Variants in KIF13A observed in about 807,000 individuals in gnomAD.
KIF13A encodes the protein kinesin family member 13A.
In KIF13A, 79 loss-of-function variants were observed where a neutral mutation model predicts 212.2. The ratio of observed to expected loss-of-function variants is 0.37; its 90% confidence interval spans 0.31 to 0.45. KIF13A has a LOEUF of 0.45. Among genes scored for constraint, KIF13A ranks in the 20% least tolerant of loss-of-function variants. The pLI is 1.00. For missense variants in KIF13A, 1,901 were observed against 2,209.0 expected, an observed-to-expected ratio of 0.86 and a Z score of 2.79; for synonymous variants, 789 against 808.6, an observed-to-expected ratio of 0.98 and a Z score of 0.41.
chr6:17,836,768 T>A, intron 11 of KIF13A, 110 bp downstream of exon 11: 1 of 962,562 alleles, frequency 1.0e-6, no homozygotes, highest in Non-Finnish European at 1.6e-6. Flanking sequence ...GGTAGAGACA[T>A]AAATCGAAAC....
chr6:17,847,036 A>G (rs926652722), intron 9 of KIF13A, among the ~76,000 whole-genome samples: 2 of 152,200 alleles, frequency 1.3e-5, no homozygotes, highest in Non-Finnish European at 2.9e-5. Flanking sequence ...CTGATGTGAC[A>G]TTGCATATGG....
At chr6:17,960,546 A>G (rs190642587) in intron 2 of KIF13A, among the ~76,000 whole-genome samples, 13 of 152,178 alleles carry the variant, frequency 8.5e-5, no homozygotes, top group African/African-American at 2.4e-4. Context: ...CTTCAATACT[A>G]TTACCCAAAG....
intron 2 of KIF13A, among the ~76,000 whole-genome samples, chr6:17,909,102 C>T (rs1025719728): frequency 1.3e-5 from 2 of 152,236 alleles, no homozygotes; most frequent in Non-Finnish European, 2.9e-5. Flanking sequence ...GATGCCATTG[C>T]TGTTGTTACA....
intron 2 of KIF13A, among the ~76,000 whole-genome samples, chr6:17,946,947 T>C (rs1017037703): frequency 2.0e-5 from 3 of 152,238 alleles, no homozygotes; most frequent in Non-Finnish European, 2.9e-5. Context: ...CAACTGTATA[T>C]ACATTTATCA....
In KIF13A at chr6:17,821,937, G is replaced by A. The variant is rs770361853; in HGVS notation, c.1786+3831C>T. On this transcript the variant is annotated intron_variant, in intron 16 of 38. Coordinates refer to ENST00000259711, the MANE Select transcript of KIF13A (RefSeq NM_022113.6). Reference sequence around the variant, plus strand: ...GTAGAGGGGAATCACAGTGAACACCGTCCAGCCACCGGCACATCAGCACTT... The same window carrying A: ...GTAGAGGGGAATCACAGTGAACACCATCCAGCCACCGGCACATCAGCACTT... The A allele has an allele frequency of 6.3e-5, 96 of 1,534,122 alleles. No homozygotes were observed. In the African/African-American group the frequency reaches 9.2e-4, roughly 15 times the overall value.
intron 2 of KIF13A, among the ~76,000 whole-genome samples, chr6:17,949,251 G>A (rs1777668552): frequency 6.6e-6 from 1 of 152,180 alleles, no homozygotes; most frequent in African/African-American, 2.4e-5. Flanking sequence ...AGTCGCCAGA[G>A]TGTACCATAG....
chr6:17,814,619 T>G (rs1407732228), intron 17 of KIF13A, among the ~76,000 whole-genome samples: 1 of 151,896 alleles, frequency 6.6e-6, no homozygotes, highest in Non-Finnish European at 1.5e-5. Flanking sequence ...GAAAACTGGG[T>G]TCAAACTCTG....
At chr6:17,885,178 G>C (rs1211410742) in intron 3 of KIF13A, among the ~76,000 whole-genome samples, 8 of 151,940 alleles carry the variant, frequency 5.3e-5, no homozygotes, top group African/African-American at 1.5e-4. Context: ...AAACTGAAAG[G>C]AAACCCCAGC....
rs568031115 is a variant in KIF13A, at chr6:17,839,460, C to T, written c.831-1877G>A. Among the ~76,000 whole-genome samples the T allele has an allele frequency of 6.6e-6, 1 of 152,198 alleles. No individual in the cohort carries two copies. The highest frequency in any genetic ancestry group is 2.4e-5 in the African/African-American group (1 of 41,508). On this transcript the variant is annotated intron_variant, in intron 9 of 38. Coordinates refer to ENST00000259711, the MANE Select transcript of KIF13A (RefSeq NM_022113.6). This position sits in a 1 kb window ranked among gnomAD's most constrained non-coding sequence, Gnocchi z 4.3. ...ATACACACAGTGGAATATCATTTGG[C>T]CATAAAAGGGAATAAGTTCAGATAC...
At position 17,944,913 on chromosome 6, in the gene KIF13A, C is replaced by T. The variant is rs1050616313; in HGVS notation, c.146+42141G>A. Among the ~76,000 whole-genome samples, 3 of 151,994 alleles carry T rather than the reference C, an allele frequency of 2.0e-5. No homozygotes were observed. The South Asian group carries it at 6.2e-4, about 32-fold the overall frequency. On this transcript the variant is annotated intron_variant, in intron 2 of 38. Coordinates refer to ENST00000259711, the MANE Select transcript of KIF13A (RefSeq NM_022113.6). ...AATGAGAATTTAACAAAGTTACTGC[C>T]TGTAAGTATATACTAAAGTCGACAG...
In KIF13A at chr6:17,768,877, TTCTG is replaced by T. The variant is rs373601375; in HGVS notation, c.4581+2233_4581+2236del. ...ACAGACTCCAAAGGCATATTGTTGC[TTCTG>T]TCTTAGTCATGAGACATGAAGTACA... On this transcript the variant is annotated intron_variant, in intron 38 of 38. Transcript: ENST00000259711. The surrounding 1 kb of genome is among the most constrained non-coding windows in gnomAD (Gnocchi z 5.4). Among the ~76,000 whole-genome samples, 30 of 150,298 alleles carry T rather than the reference TTCTG, an allele frequency of 2.0e-4. No homozygotes were observed. The East Asian group carries it at 4.4e-3, about 22-fold the overall frequency.
Position 17,911,972 on chromosome 6 carries a change from G to A in KIF13A, c.147-13792C>T, listed in dbSNP as rs570364826. ...TAGAGACGGGGTTTCACCATGTTGCGCAGGTGGTCTTGAACTCCTGAGCTC... is the reference window on the plus strand; with the variant it reads ...TAGAGACGGGGTTTCACCATGTTGCACAGGTGGTCTTGAACTCCTGAGCTC... On this transcript the variant is annotated intron_variant, in intron 2 of 38. Coordinates refer to ENST00000259711, the MANE Select transcript of KIF13A (RefSeq NM_022113.6). Among the ~76,000 whole-genome samples, 11 of 152,144 alleles carry A rather than the reference G, an allele frequency of 7.2e-5. No homozygotes were observed. The Middle Eastern group carries it at 0.01, about 141-fold the overall frequency.
At chr6:17,946,588 T>C (rs1777420517) in intron 2 of KIF13A, among the ~76,000 whole-genome samples, 1 of 152,166 alleles carries the variant, frequency 6.6e-6, no homozygotes, top group Non-Finnish European at 1.5e-5. Flanking sequence ...CAATAAAATA[T>C]CATTTCACAT....
intron 2 of KIF13A, among the ~76,000 whole-genome samples, chr6:17,940,895 G>A (rs1327663604): frequency 3.4e-5 from 5 of 147,604 alleles, no homozygotes; most frequent in African/African-American, 1.3e-4. Flanking sequence ...GCGCAATCTC[G>A]GCTCACCACA....
chr6:17,835,918 G>A (rs1159466733), intron 11 of KIF13A, among the ~76,000 whole-genome samples: 2 of 152,056 alleles, frequency 1.3e-5, no homozygotes, highest in Non-Finnish European at 2.9e-5. Flanking sequence ...CCCAACTACA[G>A]TGGGGTCAGA....
chr6:17,960,511 TCAGTGAC>T (rs1778719031), intron 2 of KIF13A, among the ~76,000 whole-genome samples: 1 of 152,150 alleles, frequency 6.6e-6, no homozygotes, highest in South Asian at 2.1e-4. Flanking sequence ...GGCTAACAAA[TCAGTGAC>T]CATTTTGGGG....
At chr6:17,842,027 G>C (rs1766573612) in intron 9 of KIF13A, among the ~76,000 whole-genome samples, 3 of 150,678 alleles carry the variant, frequency 2.0e-5, no homozygotes, top group Admixed American at 6.6e-5. Flanking sequence ...GTGTGTGTGT[G>C]TGTGTGTATA....
intron 2 of KIF13A, among the ~76,000 whole-genome samples, chr6:17,913,310 G>A (rs1224499468): frequency 1.3e-5 from 2 of 152,190 alleles, no homozygotes; most frequent in African/African-American, 2.4e-5. Context: ...TTCAGAATTC[G>A]TGGATACTAA....
At chr6:17,976,259 C>CA (rs1360381516) in intron 2 of KIF13A, among the ~76,000 whole-genome samples, 8 of 152,178 alleles carry the variant, frequency 5.3e-5, no homozygotes, top group Non-Finnish European at 1.2e-4. Flanking sequence ...CAGGGAGGCT[C>CA]GGGCTGCACA....
Sources: gnomAD v4.1 joint callset for allele counts (sites outside exome capture counted in the v4.1 genomes callset) on GRCh38, gnomAD v4.1.1 for gene constraint, Gnocchi (gnomAD v3.1) non-coding constraint, MANE v1.5 for transcripts, NCBI Gene and HGNC (gene_info 2026-07-23, HGNC 2026-07-21) for gene names.